APBA2: variants seen among roughly 807,000 people sequenced by gnomAD.
The protein encoded by APBA2 is amyloid beta precursor protein binding family A member 2, also known as amyloid-beta A4 precursor protein-binding family A member 2.
A neutral mutation model predicts 75.0 loss-of-function variants in APBA2; 30 were observed. That is an observed-to-expected ratio of 0.40 (90% CI 0.30 to 0.54). APBA2 has a LOEUF of 0.54. Among genes scored for constraint, APBA2 ranks in the 20% least tolerant of loss-of-function variants. APBA2 has a pLI of 0.49. For missense variants in APBA2, 801 were observed against 1,016.1 expected (o/e 0.79, Z 2.88); for synonymous variants, 444 against 409.6 (o/e 1.08, Z -1.01).
chr15:28,903,452 C>T (rs577168456), intron 1 of APBA2, among the ~76,000 whole-genome samples: 18 of 152,306 alleles, frequency 1.2e-4, no homozygotes, highest in Admixed American at 5.2e-4. Context: ...GGGTGGCCTG[C>T]TGGGGACACA....
At chr15:28,892,767 A>G (rs1448886295) in intron 1 of APBA2, among the ~76,000 whole-genome samples, 1 of 151,876 alleles carries the variant, frequency 6.6e-6, no homozygotes, top group Non-Finnish European at 1.5e-5. Flanking sequence ...AGCTGTAAAT[A>G]TGAATTCCTC....
At chr15:28,944,974 T>C (rs181564902) in intron 2 of APBA2, among the ~76,000 whole-genome samples, 15 of 152,288 alleles carry the variant, frequency 9.8e-5, no homozygotes, top group Non-Finnish European at 2.2e-4. Flanking sequence ...GCCCCCGCTT[T>C]GCCTAGGGAG....
intron 2 of APBA2, among the ~76,000 whole-genome samples, chr15:28,960,760 CTTTTT>C (rs760299039): frequency 7.3e-6 from 1 of 137,122 alleles, no homozygotes; most frequent in Admixed American, 7.4e-5. Context: ...ACCCATCATT[CTTTTT>C]TTTTTTTTTT....
intron 2 of APBA2, among the ~76,000 whole-genome samples, chr15:28,937,618 C>T (rs2034951466): frequency 6.6e-6 from 1 of 152,090 alleles, no homozygotes. Flanking sequence ...TTCAGGGATT[C>T]CACTGAGGAT....
At chr15:28,921,902 A>G (rs1415526957) in intron 2 of APBA2, among the ~76,000 whole-genome samples, 153 bp downstream of exon 2, 1 of 152,186 alleles carries the variant, frequency 6.6e-6, no homozygotes, top group Non-Finnish European at 1.5e-5. Flanking sequence ...TACGGTAAAT[A>G]TTTTTGCTTT....
chr15:29,006,325 TAAGAAAAAA>T (rs1028301028), intron 3 of APBA2, among the ~76,000 whole-genome samples: 11 of 152,114 alleles, frequency 7.2e-5, no homozygotes, highest in Non-Finnish European at 1.6e-4. Context: ...GAAGGGGAGT[TAAGAAAAAA>T]ATTCCATTAA....
chr15:28,958,511 C>T (rs375357970), intron 2 of APBA2, among the ~76,000 whole-genome samples: 1 of 152,196 alleles, frequency 6.6e-6, no homozygotes, highest in African/African-American at 2.4e-5. Flanking sequence ...CGAGATTTGG[C>T]GAAGGGGCTG....
intron 3 of APBA2, among the ~76,000 whole-genome samples, chr15:29,042,629 AGG>A (rs1345513928): frequency 2.0e-5 from 3 of 152,158 alleles, no homozygotes; most frequent in African/African-American, 7.2e-5. Context: ...ATGAATTTTG[AGG>A]GGACATAATT....
chr15:28,963,844 T>C (rs1462205483), intron 2 of APBA2, among the ~76,000 whole-genome samples: 10 of 152,204 alleles, frequency 6.6e-5, no homozygotes, highest in Admixed American at 6.5e-4. Flanking sequence ...AAACTGACAG[T>C]GATGTAGTCA....
At position 29,114,407 on chromosome 15, in the gene APBA2, C is replaced by T. The variant is rs367574308; in HGVS notation, c.2178+391C>T. On this transcript the variant is annotated intron_variant, in intron 14 of 14. Transcript: ENST00000683413. ...GTCCCACTTCACTGGCTGAACCCCCCACAGTCCAGTTCTTTCTGGCATCGC... is the reference window on the plus strand; with the variant it reads ...GTCCCACTTCACTGGCTGAACCCCCTACAGTCCAGTTCTTTCTGGCATCGC... Among the ~76,000 whole-genome samples the T allele has an allele frequency of 5.9e-5, 9 of 152,320 alleles. No homozygotes were observed. The East Asian group carries it at 7.7e-4, about 13-fold the overall frequency.
At chr15:29,070,467 G>A (rs1266004637) in intron 4 of APBA2, among the ~76,000 whole-genome samples, 1 of 152,126 alleles carries the variant, frequency 6.6e-6, no homozygotes, top group Non-Finnish European at 1.5e-5. Flanking sequence ...CCACAGATCC[G>A]CTTTGAAAAG....
intron 2 of APBA2, among the ~76,000 whole-genome samples, chr15:28,948,510 G>T (rs539591952): frequency 6.6e-6 from 1 of 152,258 alleles, no homozygotes; most frequent in South Asian, 2.1e-4. Flanking sequence ...ATGGGGACAC[G>T]CCTGTTGGAG....
At chr15:29,100,567 A>G (rs1172492226) in intron 9 of APBA2, among the ~76,000 whole-genome samples, 1 of 152,242 alleles carries the variant, frequency 6.6e-6, no homozygotes, top group Non-Finnish European at 1.5e-5. Flanking sequence ...AAAACCATCA[A>G]GAGTCATGGG....
At chr15:28,955,170 A>T (rs562329451) in intron 2 of APBA2, among the ~76,000 whole-genome samples, 7 of 152,158 alleles carry the variant, frequency 4.6e-5, no homozygotes, top group Non-Finnish European at 8.8e-5. Context: ...ACCACCTAGG[A>T]TACCTCTACA....
chr15:28,997,159 A>G (rs2038571502), intron 3 of APBA2, among the ~76,000 whole-genome samples: 1 of 152,198 alleles, frequency 6.6e-6, no homozygotes, highest in Admixed American at 6.5e-5. Flanking sequence ...GTTGGGGAGC[A>G]TTCTTGTCAC....
chr15:29,063,164 G>A (rs2042214032), intron 4 of APBA2, among the ~76,000 whole-genome samples: 1 of 119,754 alleles, frequency 8.4e-6, no homozygotes, highest in Admixed American at 7.8e-5. Flanking sequence ...CTGTATGGGT[G>A]GTGCGGGGAG....
At chr15:28,955,844 T>G (rs985712423) in intron 2 of APBA2, among the ~76,000 whole-genome samples, 1 of 152,112 alleles carries the variant, frequency 6.6e-6, no homozygotes, top group African/African-American at 2.4e-5. Flanking sequence ...TTGCACTGGG[T>G]GTGTTGGGGC....
At chr15:29,094,879 A>G (rs910907802) in intron 8 of APBA2, among the ~76,000 whole-genome samples, 11 of 145,198 alleles carry the variant, frequency 7.6e-5, no homozygotes, top group Non-Finnish European at 1.5e-4. Flanking sequence ...GGGCAACACA[A>G]TGAGAACCCT....
rs1414526612 is a variant in APBA2, at chr15:29,094,386, GC to G, written c.1251+74del. 2.1e-5 allele frequency: 30 copies of G among 1,459,304 alleles called. 1 individual carries two copies. The highest frequency in any genetic ancestry group is 1.8e-4 in the East Asian group (8 of 44,176). 90.4% of individuals were successfully genotyped at this position (1,459,304 alleles called of 1,614,324 possible). On this transcript the variant is annotated intron_variant, in intron 8 of 14. Coordinates refer to ENST00000683413, the MANE Select transcript of APBA2 (RefSeq NM_001353788.2). ...CCGTGGCTTGTCCTGGGCAGTGGGG[GC>G]TGGGGGGTTCCCCTGGGGATCTAAA...
Sources: allele counts gnomAD v4.1 joint callset (sites outside exome capture counted in the v4.1 genomes callset), GRCh38; gene constraint gnomAD v4.1.1; transcripts MANE v1.5; gene names NCBI Gene and HGNC (gene_info 2026-07-23, HGNC 2026-07-21).